Variants in PAN3 observed in about 807,000 individuals in gnomAD.
PAN3 encodes PAN2-PAN3 deadenylation complex subunit PAN3.
PAN3 carries 19 observed loss-of-function variants against 96.2 expected under a neutral mutation model. That is an observed-to-expected ratio of 0.20 (90% CI 0.14 to 0.29). The LOEUF is 0.29. Among genes scored for constraint, PAN3 ranks in the 10% least tolerant of loss-of-function variants. The pLI is 1.00. For missense variants in PAN3, 882 were observed against 1,108.1 expected (o/e 0.80, Z 2.90); for synonymous variants, 433 against 406.6 (o/e 1.06, Z -0.78).
chr13:28,215,803 C>T, intron 5 of PAN3: 1 of 1,383,294 alleles, frequency 7.2e-7, no homozygotes, highest in South Asian at 1.2e-5. Context: ...GTGAGACAGA[C>T]AGTTGCTGTG....
At chr13:28,180,512 C>T (rs1490791129) in intron 4 of PAN3, among the ~76,000 whole-genome samples, 1 of 152,040 alleles carries the variant, frequency 6.6e-6, no homozygotes. Flanking sequence ...GAATTAAAGG[C>T]ATATGAAAAA....
intron 1 of PAN3, among the ~76,000 whole-genome samples, chr13:28,149,041 G>A (rs1196641484): frequency 6.6e-6 from 1 of 151,608 alleles, no homozygotes; most frequent in Non-Finnish European, 1.5e-5. Context: ...CAGTAATCTG[G>A]TTCACAGTTG....
intron 14 of PAN3, among the ~76,000 whole-genome samples, chr13:28,275,737 T>G (rs951778511): frequency 2.6e-5 from 4 of 152,208 alleles, no homozygotes; most frequent in African/African-American, 7.2e-5. Flanking sequence ...GTAATAGTTC[T>G]CCTTCCCATG....
chr13:28,280,891 A>G (rs888282462), intron 16 of PAN3, among the ~76,000 whole-genome samples: 2 of 152,214 alleles, frequency 1.3e-5, no homozygotes, highest in Non-Finnish European at 2.9e-5. Context: ...GAATGTACAC[A>G]CAACTTGCAT....
At chr13:28,152,884 A>G (rs1215393293) in intron 1 of PAN3, among the ~76,000 whole-genome samples, 3 of 152,206 alleles carry the variant, frequency 2.0e-5, no homozygotes, top group Non-Finnish European at 4.4e-5. Flanking sequence ...TAAGAGCACA[A>G]AGATTGTTGA....
chr13:28,281,766 C>CTTTTTTTTTTTTTTTTTTTTTTTTT (rs10707261), intron 17 of PAN3, among the ~76,000 whole-genome samples: 1 of 114,958 alleles, frequency 8.7e-6, no homozygotes. Context: ...TTAAAGCACA[C>CTTTTTTTTTTTTTTTTTTTTTTTTT]TTTTTTTTTT....
intron 1 of PAN3, among the ~76,000 whole-genome samples, chr13:28,141,536 C>G (rs1303434694): frequency 7.6e-6 from 1 of 131,418 alleles, no homozygotes; most frequent in Non-Finnish European, 1.5e-5. Context: ...CTAGTGATCT[C>G]GGCTCACCGC....
At chr13:28,195,997 T>C (rs1227152874) in intron 4 of PAN3, among the ~76,000 whole-genome samples, 1 of 151,860 alleles carries the variant, frequency 6.6e-6, no homozygotes, top group African/African-American at 2.4e-5. Flanking sequence ...ACATTATTAA[T>C]ATATTTGACT....
intron 5 of PAN3, among the ~76,000 whole-genome samples, chr13:28,202,098 A>G (rs529699223): frequency 1.8e-4 from 28 of 151,586 alleles, no homozygotes; most frequent in African/African-American, 5.3e-4. Context: ...AACACTTATT[A>G]TAAGAAGGAA....
intron 1 of PAN3, among the ~76,000 whole-genome samples, chr13:28,158,252 A>G (rs1247000637): frequency 1.3e-5 from 2 of 152,196 alleles, no homozygotes; most frequent in Non-Finnish European, 2.9e-5. Context: ...AACCCTTGAA[A>G]ACCTAGGAAA....
intron 7 of PAN3, among the ~76,000 whole-genome samples, chr13:28,257,786 A>T (rs1416905089): frequency 7.2e-6 from 1 of 139,642 alleles, no homozygotes; most frequent in South Asian, 2.3e-4. Flanking sequence ...AATTATATAT[A>T]ATATATAATT....
At chr13:28,150,705 G>A (rs1422103591) in intron 1 of PAN3, among the ~76,000 whole-genome samples, 1 of 151,524 alleles carries the variant, frequency 6.6e-6, no homozygotes, top group East Asian at 1.9e-4. Context: ...ATTATGACAA[G>A]CATTCAGCTT....
Position 28,288,083 on chromosome 13 carries a change from C to G in PAN3, c.2484C>G (p.Pro828=). 1 of 1,612,964 alleles carries G rather than the reference C, an allele frequency of 6.2e-7. No individual in the cohort carries two copies. The highest frequency in any genetic ancestry group is 8.5e-7 in the Non-Finnish European group (1 of 1,179,488). ...ATCAGGTGACAGAAGCAGGTGCTCC[C>G]TGGATTGACCTCAGTCATATAATTT... ...LFHQVTEAGA[P]WIDLSHIISC... Residue 828 remains proline, a synonymous_variant, in exon 18 of 19, where the codon CCC becomes CCG. Transcript: ENST00000380958.
chr13:28,194,372 T>A (rs1429437167), intron 4 of PAN3, among the ~76,000 whole-genome samples: 1 of 150,366 alleles, frequency 6.7e-6, no homozygotes, highest in Non-Finnish European at 1.5e-5. Context: ...TAATTTTAGC[T>A]CAGAAATTTT....
At chr13:28,239,524 T>C in intron 6 of PAN3, 5 of 1,032,070 alleles carry the variant, frequency 4.8e-6, no homozygotes, top group Non-Finnish European at 6.5e-6. Context: ...CACTTGGGTG[T>C]TGAAAGAGCT....
chr13:28,182,677 T>C (rs1176302386), intron 4 of PAN3, among the ~76,000 whole-genome samples: 1 of 152,214 alleles, frequency 6.6e-6, no homozygotes, highest in African/African-American at 2.4e-5. Context: ...CTGGTTCGTC[T>C]GCTGATAGCT....
chr13:28,179,909 AG>A (rs767848989), intron 4 of PAN3, among the ~76,000 whole-genome samples: 10 of 152,228 alleles, frequency 6.6e-5, no homozygotes, highest in South Asian at 2.1e-4. Context: ...GAGAATATAT[AG>A]TACCTATTCT....
chr13:28,207,744 A>G (rs1281354889), intron 5 of PAN3, among the ~76,000 whole-genome samples: 2 of 152,226 alleles, frequency 1.3e-5, no homozygotes, highest in East Asian at 1.9e-4. Flanking sequence ...AACTTATCAC[A>G]TAAACTAATA....
At chr13:28,203,781 G>A (rs1813918303) in intron 5 of PAN3, among the ~76,000 whole-genome samples, 1 of 151,506 alleles carries the variant, frequency 6.6e-6, no homozygotes, top group Non-Finnish European at 1.5e-5. Context: ...TAGTGAGAAA[G>A]CGTCTCTGCT....
Sources: allele counts gnomAD v4.1 joint callset (sites outside exome capture counted in the v4.1 genomes callset), GRCh38; gene constraint gnomAD v4.1.1; transcripts MANE v1.5; gene names NCBI Gene and HGNC (gene_info 2026-07-23, HGNC 2026-07-21).